The following PDE4D variants were observed in gnomAD, a reference collection of about 807,000 sequenced individuals.
The protein encoded by PDE4D is phosphodiesterase 4D, also known as 3',5'-cyclic-AMP phosphodiesterase 4D.
A neutral mutation model predicts 87.4 loss-of-function variants in PDE4D; 24 were observed. The observed-to-expected ratio is 0.27, with a 90% CI of 0.20 to 0.39. The LOEUF (loss-of-function observed/expected upper bound fraction) is 0.39, where lower values mean the gene tolerates loss of function less well. Among genes scored for constraint, PDE4D ranks in the 10% least tolerant of loss-of-function variants. PDE4D has a pLI of 1.00. For missense variants in PDE4D, 714 were observed against 1,041.0 expected (o/e 0.69, Z 4.32); for synonymous variants, 384 against 383.2 (o/e 1.00, Z -0.02).
intron 1 of PDE4D, among the ~76,000 whole-genome samples, chr5:59,824,946 G>A (rs891415197): frequency 7.9e-5 from 12 of 152,252 alleles, no homozygotes; most frequent in African/African-American, 2.9e-4. Context: ...CTCTTTCTTT[G>A]TCTCAATTTC....
chr5:60,271,161 C>A (rs913162875), intron 1 of PDE4D, among the ~76,000 whole-genome samples: 11 of 152,164 alleles, frequency 7.2e-5, no homozygotes, highest in African/African-American at 2.7e-4. Flanking sequence ...ATACCATCAG[C>A]ACATTTTCAC....
rs190858986 is a variant in PDE4D at position 59,212,241 on chromosome 5, T to C, written c.647+3536A>G. ...AATTAAGAGAAGGCACAGTCCTTTA[T>C]GGTGGAAGATATGTGTCGTGTCAGA... is the stretch of plus-strand genomic sequence containing the variant. On this transcript the variant is annotated intron_variant, in intron 2 of 14. Transcript: ENST00000340635. 3.2e-3 allele frequency among the ~76,000 whole-genome samples: 482 copies of C among 152,304 alleles called. 1 individual carries two copies. Among genetic ancestry groups the C allele is most frequent in the South Asian group, 0.02 (98 of 4,834 alleles).
At chr5:59,370,029 C>T (rs772514145) in intron 1 of PDE4D, among the ~76,000 whole-genome samples, 73 of 152,084 alleles carry the variant, frequency 4.8e-4, no homozygotes, top group Non-Finnish European at 8.4e-4. Context: ...TGTAAAAATC[C>T]GTCATCAAAC....
intron 1 of PDE4D, among the ~76,000 whole-genome samples, chr5:59,746,782 C>A (rs764936985): frequency 6.6e-6 from 1 of 152,272 alleles, no homozygotes; most frequent in Middle Eastern, 3.4e-3. Context: ...GGATTTACTT[C>A]AGCCCTCTGA....
chr5:60,359,003 T>G (rs185815780), intron 1 of PDE4D, among the ~76,000 whole-genome samples: 2 of 152,222 alleles, frequency 1.3e-5, no homozygotes, highest in Non-Finnish European at 2.9e-5. Flanking sequence ...GGGCACTTAT[T>G]ATGTGTGGGT....
chr5:59,524,430 G>A (rs75141811), intron 1 of PDE4D, among the ~76,000 whole-genome samples: 5,684 of 152,240 alleles, frequency 0.037, 349 homozygotes, highest in African/African-American at 0.13. Flanking sequence ...TGTCCCTGCC[G>A]TAGAGATCTG....
intron 1 of PDE4D, among the ~76,000 whole-genome samples, chr5:60,321,987 G>T (rs1756320563): frequency 6.6e-6 from 1 of 151,928 alleles, no homozygotes; most frequent in South Asian, 2.1e-4. Flanking sequence ...ATTGTGGAAA[G>T]CAGTTTGGTA....
chr5:58,999,992 A>C, intron 6 of PDE4D: 1 of 779,202 alleles, frequency 1.3e-6, no homozygotes, highest in Non-Finnish European at 1.6e-6. Context: ...CTCTGCACCA[A>C]TTGCATTCCA....
At chr5:60,102,229 T>A (rs563357219) in intron 2 of PDE4D, among the ~76,000 whole-genome samples, 2 of 152,312 alleles carry the variant, frequency 1.3e-5, no homozygotes, top group South Asian at 4.1e-4. Flanking sequence ...TGTTTTGTTT[T>A]TTGTTTTTTT....
At chr5:60,455,548 A>G (rs1330200425) in intron 1 of PDE4D, among the ~76,000 whole-genome samples, 5 of 152,204 alleles carry the variant, frequency 3.3e-5, no homozygotes, top group African/African-American at 1.2e-4. Flanking sequence ...ACTACAGTAA[A>G]AAGTTAAATA....
intron 1 of PDE4D, among the ~76,000 whole-genome samples, chr5:59,562,476 A>G (rs17741863): frequency 0.077 from 11,655 of 152,308 alleles, 608 homozygotes; most frequent in Admixed American, 0.14. Flanking sequence ...TCCTGTGGGT[A>G]AGGAAACTAA....
At chr5:59,353,350 C>T (rs974215246) in intron 1 of PDE4D, among the ~76,000 whole-genome samples, 3 of 109,950 alleles carry the variant, frequency 2.7e-5, no homozygotes, top group African/African-American at 1.2e-4. Context: ...CTTCCCAGAT[C>T]GTTTTTCCCC....
intron 1 of PDE4D, among the ~76,000 whole-genome samples, chr5:60,495,449 C>T (rs1257801965): frequency 6.6e-6 from 1 of 152,158 alleles, no homozygotes; most frequent in African/African-American, 2.4e-5. Flanking sequence ...TCTGCCTTTT[C>T]ATTGCCCACA....
chr5:59,351,529 G>C (rs1780538139), intron 1 of PDE4D, among the ~76,000 whole-genome samples: 1 of 152,094 alleles, frequency 6.6e-6, no homozygotes, highest in Non-Finnish European at 1.5e-5. Flanking sequence ...TGGCTCCTCT[G>C]AACAGCTGGC....
chr5:60,106,651 A>G (rs1386210663), intron 2 of PDE4D, among the ~76,000 whole-genome samples: 4 of 152,058 alleles, frequency 2.6e-5, no homozygotes, highest in Non-Finnish European at 4.4e-5. Context: ...AAATTATAAC[A>G]AACTGTCTCT....
At chr5:59,182,553 CTG>C (rs1347737679) in intron 4 of PDE4D, among the ~76,000 whole-genome samples, 1 of 151,858 alleles carries the variant, frequency 6.6e-6, no homozygotes, top group African/African-American at 2.4e-5. Flanking sequence ...AGTCCTTGCT[CTG>C]TGAAAATTTA....
In PDE4D at chr5:59,758,238, T is replaced by A. The variant is rs1231537349; in HGVS notation, c.455+134930A>T. Among the ~76,000 whole-genome samples the A allele has an allele frequency of 2.0e-5, 3 of 152,286 alleles. No individual in the cohort carries two copies. The South Asian group carries it at 6.2e-4, about 32-fold the overall frequency. On this transcript the variant is annotated intron_variant, in intron 1 of 14. Transcript: ENST00000340635. ...TTCTGGGCCTCAGCAGCTGCATATG[T>A]AAAGTACGGTTAACAATACTTACAT...
intron 4 of PDE4D, among the ~76,000 whole-genome samples, chr5:59,181,941 C>T (rs1290116982): frequency 6.6e-6 from 1 of 152,046 alleles, no homozygotes; most frequent in Non-Finnish European, 1.5e-5. Context: ...TGATGAATTT[C>T]TTAGCAGGGT....
intron 1 of PDE4D, among the ~76,000 whole-genome samples, chr5:59,724,990 A>G (rs1042253727): frequency 6.6e-6 from 1 of 152,060 alleles, no homozygotes; most frequent in African/African-American, 2.4e-5. Flanking sequence ...ATATTTTTGA[A>G]CCTCACTTCT....
Sources: gnomAD v4.1 joint callset for allele counts (sites outside exome capture counted in the v4.1 genomes callset) on GRCh38, gnomAD v4.1.1 for gene constraint, MANE v1.5 for transcripts, NCBI Gene and HGNC (gene_info 2026-07-23, HGNC 2026-07-21) for gene names.